Variants in LEMD3 observed in about 807,000 individuals in gnomAD.
LEMD3 encodes the protein inner nuclear membrane protein Man1.
In LEMD3, 33 loss-of-function variants were observed where a neutral mutation model predicts 95.2. That is an observed-to-expected ratio of 0.35 (90% CI 0.26 to 0.46). The LOEUF (loss-of-function observed/expected upper bound fraction) is 0.46. Among genes scored for constraint, LEMD3 ranks in the 20% least tolerant of loss-of-function variants. LEMD3 has a pLI of 1.00. For synonymous variants in LEMD3, 525 were observed against 474.6 expected (o/e 1.11, Z -1.38); for missense variants, 1,210 against 1,192.8 (o/e 1.01, Z -0.21).
intron 1 of LEMD3, among the ~76,000 whole-genome samples, chr12:65,193,941 A>G (rs1287312572): frequency 1.6e-4 from 25 of 152,170 alleles, no homozygotes; most frequent in Non-Finnish European, 2.9e-5. Context: ...TTATTTGACT[A>G]GTAAAAGCAG....
At chr12:65,211,545 G>A (rs1869939790) in intron 2 of LEMD3, among the ~76,000 whole-genome samples, 1 of 152,088 alleles carries the variant, frequency 6.6e-6, no homozygotes, top group African/African-American at 2.4e-5. Flanking sequence ...AGATTAAGAT[G>A]TTTAAGCTTG....
intron 2 of LEMD3, among the ~76,000 whole-genome samples, chr12:65,215,119 A>G (rs532108323): frequency 6.6e-6 from 1 of 152,316 alleles, no homozygotes; most frequent in South Asian, 2.1e-4. Context: ...ATACTAAACA[A>G]CTTTTCTAGT....
intron 3 of LEMD3, among the ~76,000 whole-genome samples, chr12:65,217,657 A>G (rs1592450955): frequency 6.6e-6 from 1 of 152,350 alleles, no homozygotes; most frequent in Non-Finnish European, 1.5e-5. Flanking sequence ...ATAACCACTT[A>G]TAGTCTAAAG....
chr12:65,245,320 T>C (rs2136358377), intron 10 of LEMD3: 1 of 202,226 alleles, frequency 4.9e-6, no homozygotes, highest in Non-Finnish European at 1.0e-5. Flanking sequence ...TTTGTATTTT[T>C]AGTAGAGACG....
chr12:65,182,968 G>A (rs566722786), intron 1 of LEMD3, among the ~76,000 whole-genome samples: 1 of 152,208 alleles, frequency 6.6e-6, no homozygotes, highest in East Asian at 1.9e-4. Context: ...GGCAATAGGT[G>A]AATATTAATA....
intron 1 of LEMD3, among the ~76,000 whole-genome samples, chr12:65,195,286 A>T (rs1042515067): frequency 1.3e-5 from 2 of 152,116 alleles, no homozygotes; most frequent in African/African-American, 4.8e-5. Context: ...GAAAAATATC[A>T]CAAAAATGTA....
At chr12:65,175,146 C>G (rs571276979) in intron 1 of LEMD3, among the ~76,000 whole-genome samples, 3 of 152,204 alleles carry the variant, frequency 2.0e-5, no homozygotes, top group African/African-American at 7.2e-5. Context: ...TGGGCCAGAT[C>G]ATAAAGACCT....
Position 65,239,984 on chromosome 12 carries a change from A to C in LEMD3, c.1977A>C (p.Glu659Asp), listed in dbSNP as rs997606555. ...ACATGAAATATCGATGGACAAAAGAAGAGGAGGAAACAAGGCAGATGTATG... is the reference window on the plus strand; with the variant it reads ...ACATGAAATATCGATGGACAAAAGACGAGGAGGAAACAAGGCAGATGTATG... ...LRYMKYRWTK[E>D]EEETRQMYDM... The change falls in exon 7 of 13, where the codon GAA becomes GAC. Residue 659 changes from glutamate to aspartate, a missense_variant. By Grantham distance (45) the Glu-to-Asp change is conservative (BLOSUM62 2). Coordinates refer to ENST00000308330, the MANE Select transcript of LEMD3 (RefSeq NM_014319.5). The C allele has an allele frequency of 6.2e-7, 1 of 1,612,612 alleles. No individual in the cohort carries two copies. Among genetic ancestry groups the C allele is most frequent in the Non-Finnish European group, 8.5e-7 (1 of 1,178,722 alleles).
intron 10 of LEMD3, among the ~76,000 whole-genome samples, chr12:65,244,740 G>T (rs553158954): frequency 1.4e-4 from 22 of 152,072 alleles, no homozygotes; most frequent in African/African-American, 2.7e-4. Flanking sequence ...TTGAACTCAG[G>T]AGTTCGAGAC....
In LEMD3 at chr12:65,243,591, A is replaced by G. The variant is rs1871000392; in HGVS notation, c.2387+122A>G. ...TGTTTTTCTTCTGAATCTCTACCAC[A>G]GAAATGTTATGTTTTTCTCTTTCAT... On this transcript the variant is annotated intron_variant, in intron 10 of 12. Transcript: ENST00000308330. 9 of 719,416 alleles carry G rather than the reference A, an allele frequency of 1.3e-5. No individual in the cohort carries two copies. The South Asian group carries it at 1.4e-4, about 11-fold the overall frequency. The allele number at this position is 719,416 out of a possible 1,614,324, so 44.6% of individuals were successfully genotyped here. A position where few individuals can be genotyped will look rare whatever the true frequency, so the allele number is the denominator to read the frequency against.
intron 1 of LEMD3, 101 bp from the exon 2 acceptor site, chr12:65,210,824 TC>T (rs1451528131): frequency 1.1e-6 from 1 of 890,662 alleles, no homozygotes; most frequent in African/African-American, 1.6e-5. Flanking sequence ...CATATTTATA[TC>T]CAGTTTTAGC....
chr12:65,234,099 T>C (rs1870707040), intron 4 of LEMD3, among the ~76,000 whole-genome samples: 1 of 152,168 alleles, frequency 6.6e-6, no homozygotes, highest in South Asian at 2.1e-4. Flanking sequence ...TATTGGAAAA[T>C]GTTTGTTTTA....
chr12:65,181,225 A>T (rs1277842689), intron 1 of LEMD3, among the ~76,000 whole-genome samples: 1 of 152,162 alleles, frequency 6.6e-6, no homozygotes, highest in Non-Finnish European at 1.5e-5. Flanking sequence ...TCCTTAGTTT[A>T]TAAGTGTATC....
chr12:65,182,081 A>G (rs1179083875), intron 1 of LEMD3, among the ~76,000 whole-genome samples: 2 of 152,262 alleles, frequency 1.3e-5, no homozygotes, highest in Middle Eastern at 3.4e-3. Flanking sequence ...TAAGGTTACA[A>G]GTGATTTGTC....
chr12:65,210,158 A>C (rs1307534150), intron 1 of LEMD3, among the ~76,000 whole-genome samples: 1 of 152,076 alleles, frequency 6.6e-6, no homozygotes, highest in Non-Finnish European at 1.5e-5. Flanking sequence ...TTGGATGGAA[A>C]GTGGTAAATC....
At chr12:65,223,964 A>C (rs1402652444) in intron 4 of LEMD3, among the ~76,000 whole-genome samples, 2 of 151,764 alleles carry the variant, frequency 1.3e-5, no homozygotes, top group East Asian at 3.9e-4. Context: ...TTTTAACCTG[A>C]TAACACCTTA....
intron 4 of LEMD3, among the ~76,000 whole-genome samples, chr12:65,223,255 T>G (rs1162643555): frequency 6.6e-6 from 1 of 152,058 alleles, no homozygotes; most frequent in Non-Finnish European, 1.5e-5. Flanking sequence ...AATTGATCCC[T>G]TTGTCATTTA....
intron 11 of LEMD3, 41 bp downstream of exon 11, chr12:65,245,815 G>A (rs1871088783): frequency 6.2e-7 from 1 of 1,602,090 alleles, no homozygotes; most frequent in African/African-American, 1.3e-5. Context: ...TTTTGGATTT[G>A]TTGCTATTAA....
At chr12:65,221,080 T>G (rs1011515553) in intron 4 of LEMD3, among the ~76,000 whole-genome samples, 17 of 152,166 alleles carry the variant, frequency 1.1e-4, no homozygotes, top group African/African-American at 3.6e-4. Flanking sequence ...TGTATTGCTG[T>G]ATTGCCTTCG....
Sources: allele counts gnomAD v4.1 joint callset (sites outside exome capture counted in the v4.1 genomes callset), GRCh38; gene constraint gnomAD v4.1.1; transcripts MANE v1.5; gene names NCBI Gene and HGNC (gene_info 2026-07-23, HGNC 2026-07-21).